The following RAP1GAP2 variants were observed in gnomAD, a reference collection of about 807,000 sequenced individuals.
The protein encoded by RAP1GAP2 is rap1 GTPase-activating protein 2.
In RAP1GAP2, 27 loss-of-function variants were observed where a neutral mutation model predicts 95.0. The observed-to-expected ratio is 0.28, with a 90% CI of 0.21 to 0.39. The LOEUF (loss-of-function observed/expected upper bound fraction) is 0.39. Among genes scored for constraint, RAP1GAP2 ranks in the 10% least tolerant of loss-of-function variants. RAP1GAP2 has a pLI of 1.00. For synonymous variants in RAP1GAP2, 373 were observed against 380.9 expected, an observed-to-expected ratio of 0.98 and a Z score of 0.24; for missense variants, 771 against 970.0, an observed-to-expected ratio of 0.79 and a Z score of 2.72.
At chr17:2,896,097 G>A (rs2041815092) in intron 2 of RAP1GAP2, among the ~76,000 whole-genome samples, 1 of 152,084 alleles carries the variant, frequency 6.6e-6, no homozygotes, top group Admixed American at 6.6e-5. Flanking sequence ...GTCTCCCAAG[G>A]AGAACCAGAC....
chr17:2,860,267 G>C (rs9896756), intron 2 of RAP1GAP2, among the ~76,000 whole-genome samples: 2 of 152,134 alleles, frequency 1.3e-5, no homozygotes, highest in African/African-American at 2.4e-5. Flanking sequence ...CCTGTCTCCT[G>C]TCCTCTTCTG....
At chr17:2,877,171 G>A (rs1298822516) in intron 2 of RAP1GAP2, among the ~76,000 whole-genome samples, 2 of 152,152 alleles carry the variant, frequency 1.3e-5, no homozygotes, top group South Asian at 2.1e-4. Flanking sequence ...TTACAGGCGT[G>A]AGCCACTGTG....
At chr17:2,919,714 C>G (rs2042686998) in intron 3 of RAP1GAP2, among the ~76,000 whole-genome samples, 1 of 151,828 alleles carries the variant, frequency 6.6e-6, no homozygotes, top group South Asian at 2.1e-4. Context: ...TCTTTTTTTT[C>G]TTTTTTGAGA....
intron 19 of RAP1GAP2, among the ~76,000 whole-genome samples, chr17:3,021,901 G>T (rs2046975276): frequency 6.6e-6 from 1 of 152,304 alleles, no homozygotes; most frequent in South Asian, 2.1e-4. Context: ...GGACACTCAG[G>T]TGGGTTCTGT....
intron 2 of RAP1GAP2, among the ~76,000 whole-genome samples, chr17:2,858,746 C>CA (rs1211108262): frequency 2.0e-5 from 3 of 151,560 alleles, no homozygotes; most frequent in Non-Finnish European, 4.4e-5. Context: ...CTCATCTCTA[C>CA]AAAAAAAATA....
intron 14 of RAP1GAP2, among the ~76,000 whole-genome samples, chr17:3,000,391 G>A (rs1464706092): frequency 6.6e-6 from 1 of 152,060 alleles, no homozygotes. Context: ...AATGGGGCTC[G>A]TGGAGGTAAC....
At chr17:2,791,081 T>C (rs545865848) in intron 1 of RAP1GAP2, among the ~76,000 whole-genome samples, 1 of 152,366 alleles carries the variant, frequency 6.6e-6, no homozygotes, top group East Asian at 1.9e-4. Context: ...GGCAGGTGCC[T>C]GTAATCCCAG....
rs140038918 is a variant in RAP1GAP2 at position 2,813,372 on chromosome 17, A to G, written c.80+12822A>G. On this transcript the variant is annotated intron_variant, in intron 2 of 24. Transcript: ENST00000254695. Reference sequence around the variant, plus strand: ...ATACAGGCGTGAGCTGCGGTGCCCAACTATACTTTTAAAAGATCCCCCGTT... The same window carrying G: ...ATACAGGCGTGAGCTGCGGTGCCCAGCTATACTTTTAAAAGATCCCCCGTT... 1.5e-4 allele frequency among the ~76,000 whole-genome samples: 23 copies of G among 152,218 alleles called. No individual in the cohort carries two copies. In the East Asian group the frequency reaches 4.1e-3, roughly 27 times the overall value.
At chr17:2,941,644 C>G (rs868250407) in intron 3 of RAP1GAP2, among the ~76,000 whole-genome samples, 1 of 146,506 alleles carries the variant, frequency 6.8e-6, no homozygotes. Context: ...GATGAGGGAT[C>G]AAGACATCAG....
At chr17:2,875,025 T>C (rs1317242356) in intron 2 of RAP1GAP2, among the ~76,000 whole-genome samples, 1 of 152,206 alleles carries the variant, frequency 6.6e-6, no homozygotes, top group African/African-American at 2.4e-5. Context: ...CAAAATTACC[T>C]TGGGGACGGC....
rs571022242 is a variant in RAP1GAP2, at chr17:2,817,034, C to G, written c.80+16484C>G. On this transcript the variant is annotated intron_variant, in intron 2 of 24. Coordinates refer to ENST00000254695, the MANE Select transcript of RAP1GAP2 (RefSeq NM_015085.5). ...ATGGGGTCTTGCTCTGTTGCCCAGG[C>G]TGGATTGCCGTGGTATGATCTTGGC... 7.5e-4 allele frequency among the ~76,000 whole-genome samples: 65 copies of G among 86,728 alleles called. 5 individuals carry two copies. Among genetic ancestry groups the G allele is most frequent in the African/African-American group, 2.5e-3 (63 of 25,206 alleles). 56.9% of individuals were successfully genotyped at this position (86,728 alleles called of 152,430 possible).
chr17:2,795,569 C>T (rs971159988), upstream of RAP1GAP2, among the ~76,000 whole-genome samples: 5 of 152,240 alleles, frequency 3.3e-5, no homozygotes, highest in Non-Finnish European at 7.3e-5. Flanking sequence ...ACTGCTCTGA[C>T]CTCTGTCTAG....
Position 2,861,560 on chromosome 17 carries a change from C to T in RAP1GAP2, c.81-43724C>T, listed in dbSNP as rs536294400. The stretch of plus-strand genomic sequence containing the variant: ...TGGGTTCACTGCAACCTCTGCCTTC[C>T]AGGTTCAAGCGATTCTCCTACCTCA... On this transcript the variant is annotated intron_variant, in intron 2 of 24. Transcript: ENST00000254695. Among the ~76,000 whole-genome samples the T allele has an allele frequency of 5.1e-4, 78 of 151,634 alleles. 1 individual carries two copies. The East Asian group carries it at 0.015, about 29-fold the overall frequency.
intron 17 of RAP1GAP2, among the ~76,000 whole-genome samples, chr17:3,017,405 G>A (rs1041489806): frequency 7.9e-5 from 12 of 151,996 alleles, no homozygotes; most frequent in African/African-American, 2.9e-4. Flanking sequence ...TAACAAAGGC[G>A]GATCTGAAGC....
rs549654234 is a variant in RAP1GAP2 at position 3,010,135 on chromosome 17, A to T, written c.1494+1990A>T. On this transcript the variant is annotated intron_variant, in intron 17 of 24. Transcript: ENST00000254695. ...GGCAGGCGGATCACGAGGTCAGGAG[A>T]TCGAGACCATCCTGGCCAACATGGT... Among the ~76,000 whole-genome samples, 6 of 152,114 alleles carry T rather than the reference A, an allele frequency of 3.9e-5. No individual in the cohort carries two copies. In the East Asian group the frequency reaches 1.2e-3, roughly 29 times the overall value.
At chr17:2,881,094 C>A (rs2073268565) in intron 2 of RAP1GAP2, among the ~76,000 whole-genome samples, 2 of 152,064 alleles carry the variant, frequency 1.3e-5, no homozygotes, top group South Asian at 4.1e-4. Flanking sequence ...AGCCCCATCT[C>A]TACTAAAAAT....
chr17:2,870,887 A>G lies in RAP1GAP2; in HGVS notation c.81-34397A>G, dbSNP rs2072816777. ...TGTGTTGGCTTCATTCTCTTGGGCC[A>G]TCTGTCTCCATGATGTTGGATCCAT... On this transcript the variant is annotated intron_variant, in intron 2 of 24. Coordinates refer to ENST00000254695, the MANE Select transcript of RAP1GAP2 (RefSeq NM_015085.5). This position sits in a 1 kb window ranked among gnomAD's most constrained non-coding sequence, Gnocchi z 4.4. Among the ~76,000 whole-genome samples, 1 of 152,220 alleles carries G rather than the reference A, an allele frequency of 6.6e-6. No homozygotes were observed. The highest frequency in any genetic ancestry group is 6.5e-5 in the Admixed American group (1 of 15,272).
At chr17:2,939,373 A>G (rs1468273466) in intron 3 of RAP1GAP2, among the ~76,000 whole-genome samples, 5 of 152,224 alleles carry the variant, frequency 3.3e-5, no homozygotes, top group Admixed American at 1.3e-4. Context: ...GACAGGCGGG[A>G]GCCGCCTTGC....
In RAP1GAP2 at chr17:2,906,834, T is replaced by G. The variant is rs1424514998; in HGVS notation, c.165+1466T>G. On this transcript the variant is annotated intron_variant, in intron 3 of 24. Coordinates refer to ENST00000254695, the MANE Select transcript of RAP1GAP2 (RefSeq NM_015085.5). This position sits in a 1 kb window ranked among gnomAD's most constrained non-coding sequence, Gnocchi z 4.3. ...CTCATTTAATTCATTTAATACCCAG[T>G]ATTTATTTGAATTTTGTATTAGTTA... 6.6e-6 allele frequency among the ~76,000 whole-genome samples: 1 copy of G among 152,162 alleles called. No homozygotes were observed. The highest frequency in any genetic ancestry group is 2.4e-5 in the African/African-American group (1 of 41,442).
Sources: allele counts gnomAD v4.1 joint callset (sites outside exome capture counted in the v4.1 genomes callset), GRCh38; gene constraint gnomAD v4.1.1; non-coding constraint Gnocchi (gnomAD v3.1); transcripts MANE v1.5; gene names NCBI Gene and HGNC (gene_info 2026-07-23, HGNC 2026-07-21).